Variants in HTR1E observed in about 807,000 individuals in gnomAD.
The protein encoded by HTR1E is 5-hydroxytryptamine receptor 1E, also known as 5-HT-1E.
Under a neutral mutation model 3.4 loss-of-function variants are expected in HTR1E, and 3 were observed. The observed-to-expected ratio is 0.89, with a 90% confidence interval of 0.41 to 2.31. The LOEUF is 2.31. Ranked by LOEUF, HTR1E falls within the 30% of genes most tolerant of loss-of-function variation. The pLI, the probability that HTR1E is intolerant of heterozygous loss-of-function variation, is 0.05. For missense variants in HTR1E, 392 were observed against 467.0 expected (o/e 0.84, Z 1.48); for synonymous variants, 170 against 182.8 (o/e 0.93, Z 0.56).
intron 1 of HTR1E, among the ~76,000 whole-genome samples, chr6:86,978,657 T>C (rs1767671157): frequency 6.6e-6 from 1 of 152,216 alleles, no homozygotes; most frequent in Admixed American, 6.5e-5. Flanking sequence ...AATATCCTAA[T>C]TGATCAAATC....
chr6:87,013,696 G>A (rs1405711124), intron 1 of HTR1E, among the ~76,000 whole-genome samples: 1 of 151,750 alleles, frequency 6.6e-6, no homozygotes, highest in African/African-American at 2.4e-5. Flanking sequence ...ATATAAACAT[G>A]TATAAAAGAA....
chr6:87,009,940 A>G (rs1407967228), intron 1 of HTR1E, among the ~76,000 whole-genome samples: 1 of 106,558 alleles, frequency 9.4e-6, no homozygotes, highest in Non-Finnish European at 1.9e-5. Flanking sequence ...GGGGCTCCTC[A>G]CTTCCCAGTA....
chr6:86,993,593 C>G (rs1767898308), intron 1 of HTR1E, among the ~76,000 whole-genome samples: 2 of 151,250 alleles, frequency 1.3e-5, no homozygotes, highest in South Asian at 4.2e-4. Flanking sequence ...GTGACTCTAT[C>G]TCCTCCCCTG....
At chr6:87,003,520 C>T (rs1157545605) in intron 1 of HTR1E, among the ~76,000 whole-genome samples, 1 of 141,648 alleles carries the variant, frequency 7.1e-6, no homozygotes, top group Non-Finnish European at 1.5e-5. Context: ...GCCTGGGCAA[C>T]AGAGAGAGAC....
chr6:86,968,087 T>C (rs1330134639), intron 1 of HTR1E, among the ~76,000 whole-genome samples: 1 of 152,252 alleles, frequency 6.6e-6, no homozygotes. Flanking sequence ...CTATGTTCAC[T>C]GTTCTGCACC....
intron 1 of HTR1E, among the ~76,000 whole-genome samples, chr6:86,999,785 G>A (rs996556011): frequency 6.6e-6 from 1 of 152,158 alleles, no homozygotes; most frequent in Non-Finnish European, 1.5e-5. Flanking sequence ...TCCATTCTCA[G>A]TGTGAGAGCA....
intron 1 of HTR1E, among the ~76,000 whole-genome samples, chr6:87,007,831 G>T (rs1768139444): frequency 6.6e-6 from 1 of 152,112 alleles, no homozygotes; most frequent in Non-Finnish European, 1.5e-5. Flanking sequence ...CTGCTCAAAA[G>T]GCTGAGGCAG....
At chr6:86,953,236 G>A (rs1767270818) in intron 1 of HTR1E, among the ~76,000 whole-genome samples, 3 of 152,180 alleles carry the variant, frequency 2.0e-5, no homozygotes, top group Admixed American at 1.3e-4. Flanking sequence ...GAGTTTACTG[G>A]AAGGGTTCCA....
intron 1 of HTR1E, among the ~76,000 whole-genome samples, chr6:87,001,690 A>G (rs1768026229): frequency 6.6e-6 from 1 of 152,228 alleles, no homozygotes; most frequent in Admixed American, 6.5e-5. Context: ...CTGGCATCTT[A>G]TTGTCTGGAT....
At chr6:87,006,716 A>G (rs531404471) in intron 1 of HTR1E, among the ~76,000 whole-genome samples, 101 of 152,360 alleles carry the variant, frequency 6.6e-4, no homozygotes, top group African/African-American at 2.3e-3. Flanking sequence ...AACGTGGTAC[A>G]TATAACCATG....
At chr6:86,961,693 G>A (rs894248950) in intron 1 of HTR1E, among the ~76,000 whole-genome samples, 6 of 152,206 alleles carry the variant, frequency 3.9e-5, no homozygotes, top group African/African-American at 1.4e-4. Context: ...GAGGGATGAG[G>A]TCATGCCTTT....
rs535743731 is a variant in HTR1E, at chr6:86,997,815, A to G, written c.-185-17335A>G. Among the ~76,000 whole-genome samples, 8 of 151,970 alleles carry G rather than the reference A, an allele frequency of 5.3e-5. No homozygotes were observed. The South Asian group carries it at 1.5e-3, about 28-fold the overall frequency. ...ACAAGCAGAGGATGTCAGACTGGATAAAAATGCGAGATTCAATTACAGGCT... is the reference window on the plus strand; with the variant it reads ...ACAAGCAGAGGATGTCAGACTGGATGAAAATGCGAGATTCAATTACAGGCT... On this transcript the variant is annotated intron_variant, in intron 1 of 1. Transcript: ENST00000305344.
chr6:86,961,039 G>A (rs148728776), intron 1 of HTR1E, among the ~76,000 whole-genome samples: 7 of 152,330 alleles, frequency 4.6e-5, no homozygotes, highest in African/African-American at 1.7e-4. Flanking sequence ...TATTGTGCCA[G>A]TGATAAAAAT....
chr6:87,012,749 G>A (rs927171446), intron 1 of HTR1E, among the ~76,000 whole-genome samples: 1 of 152,116 alleles, frequency 6.6e-6, no homozygotes, highest in South Asian at 2.1e-4. Context: ...CAGCTTCTAC[G>A]TGTATTAACA....
rs747370173 is a variant in HTR1E, at chr6:87,015,286, G to C, written c.-49G>C. On this transcript the variant is annotated 5_prime_UTR_variant, in exon 2 of 2. Transcript: ENST00000305344. ...CGAGGCTACATAGTTTTCAGCCAAA[G>C]GAAAATAACCAACAGCTTCTCCACA... The C allele has an allele frequency of 5.5e-6, 8 of 1,459,576 alleles. No homozygotes were observed. The highest frequency in any genetic ancestry group is 7.3e-6 in the Non-Finnish European group (8 of 1,099,666). The allele number at this position is 1,459,576 out of a possible 1,614,324, so 90.4% of individuals were successfully genotyped here.
At chr6:87,002,836 T>C (rs1768044822) in intron 1 of HTR1E, among the ~76,000 whole-genome samples, 1 of 152,200 alleles carries the variant, frequency 6.6e-6, no homozygotes, top group Non-Finnish European at 1.5e-5. Context: ...CAAATATTAT[T>C]ACAGCTAAGG....
At chr6:86,997,872 T>C (rs79174306) in intron 1 of HTR1E, among the ~76,000 whole-genome samples, 5,888 of 151,798 alleles carry the variant, frequency 0.039, 161 homozygotes, top group East Asian at 0.14. Context: ...TATAAAGATA[T>C]AAATAGGTTA....
In HTR1E at chr6:86,953,675, G is replaced by A. The variant is rs59467246; in HGVS notation, c.-186+15852G>A. ...TCTATTAGTCAAAATAATTCATAAG[G>A]TCAGCCCAGACTCAAGGAACAGAAA... On this transcript the variant is annotated intron_variant, in intron 1 of 1. Transcript: ENST00000305344. Among the ~76,000 whole-genome samples, 859 of 152,116 alleles carry A rather than the reference G, an allele frequency of 5.6e-3. 7 individuals carry two copies. Among genetic ancestry groups the A allele is most frequent in the African/African-American group, 0.019 (805 of 41,494 alleles).
At chr6:86,975,659 T>C (rs776012866) in intron 1 of HTR1E, among the ~76,000 whole-genome samples, 1 of 151,978 alleles carries the variant, frequency 6.6e-6, no homozygotes, top group Non-Finnish European at 1.5e-5. Flanking sequence ...TGATTACAAA[T>C]AATAAAATTT....
Sources: gnomAD v4.1 joint callset for allele counts (sites outside exome capture counted in the v4.1 genomes callset) on GRCh38, gnomAD v4.1.1 for gene constraint, MANE v1.5 for transcripts, NCBI Gene and HGNC (gene_info 2026-07-23, HGNC 2026-07-21) for gene names.